The following GPBP1 variants were observed in gnomAD, a reference collection of about 807,000 sequenced individuals.
The protein encoded by GPBP1 is vasculin.
In GPBP1, 13 loss-of-function variants were observed where a neutral mutation model predicts 56.5. The ratio of observed to expected loss-of-function variants is 0.23; its 90% CI spans 0.15 to 0.37. GPBP1 has a LOEUF of 0.37. GPBP1 is among the 10% of genes least tolerant of loss of function. The pLI, the probability that GPBP1 is intolerant of heterozygous loss-of-function variation, is 1.00. For missense variants in GPBP1, 477 were observed against 572.3 expected, an observed-to-expected ratio of 0.83 and a Z score of 1.70; for synonymous variants, 204 against 188.9, an observed-to-expected ratio of 1.08 and a Z score of -0.66.
At chr5:57,177,618 T>A (rs939101527) in intron 2 of GPBP1, among the ~76,000 whole-genome samples, 9 of 144,040 alleles carry the variant, frequency 6.2e-5, no homozygotes, top group African/African-American at 2.3e-4. Context: ...GGATTACAGG[T>A]GCCCGCCACC....
At chr5:57,245,074 T>C (rs1383273511) in intron 6 of GPBP1, among the ~76,000 whole-genome samples, 1 of 152,174 alleles carries the variant, frequency 6.6e-6, no homozygotes, top group African/African-American at 2.4e-5. Flanking sequence ...GTTAACTTTG[T>C]TGTGTAATAT....
At chr5:57,200,021 CTTTTTTTTTTTT>C (rs61426559) in intron 2 of GPBP1, among the ~76,000 whole-genome samples, 18 of 58,896 alleles carry the variant, frequency 3.1e-4, no homozygotes, top group East Asian at 1.0e-3. Context: ...ACTTGAAAAT[CTTTTTTTTTTTT>C]TTTTTTTTTT....
In GPBP1 at chr5:57,261,198, C is replaced by CT; in HGVS notation, c.1180dup (p.Trp394LeufsTer6). The CT allele has an allele frequency of 6.2e-7, 1 of 1,611,230 alleles. No individual in the cohort carries two copies. The highest frequency in any genetic ancestry group is 8.5e-7 in the Non-Finnish European group (1 of 1,177,552). The stretch of plus-strand genomic sequence containing the variant: ...TTTTCAGATTGTTAAAGGAAATGGG[C>CT]TGGCAGGAAGACAGTGAAAATGATG... On this transcript the variant is annotated frameshift_variant, in exon 11 of 12. Coordinates refer to ENST00000506184, the MANE Select transcript of GPBP1 (RefSeq NM_022913.4). LOFTEE classifies it high-confidence loss of function.
chr5:57,258,622 G>A (rs1741764952), intron 10 of GPBP1, among the ~76,000 whole-genome samples: 3 of 152,088 alleles, frequency 2.0e-5, no homozygotes, highest in Non-Finnish European at 4.4e-5. Flanking sequence ...GGGGGGAAAG[G>A]GAAACACAGA....
At position 57,176,223 on chromosome 5, in the gene GPBP1, C is replaced by G. The variant is rs1753783377; in HGVS notation, c.-235C>G. On this transcript the variant is annotated 5_prime_UTR_variant, in exon 2 of 12. Transcript: ENST00000506184. ...AATTCGGGAGATAGCCATATGAAAA[C>G]TTTAAAACAGAAGTATGGGTAGCTG... is the stretch of plus-strand genomic sequence containing the variant. 1 of 387,614 alleles carries G rather than the reference C, an allele frequency of 2.6e-6. No individual in the cohort carries two copies. Among genetic ancestry groups the G allele is most frequent in the Non-Finnish European group, 4.5e-6 (1 of 219,998 alleles). The allele number at this position is 387,614 out of a possible 1,614,324, so 24.0% of individuals were successfully genotyped here.
chr5:57,175,615 A>G lies in GPBP1; in HGVS notation c.-843A>G. ...TGAAGTGAATTGATAGTAGTGAACA[A>G]TTCAGCAAGCTACTTAAAAAGAGAC... On this transcript the variant is annotated 5_prime_UTR_variant, in exon 2 of 12. Coordinates refer to ENST00000506184, the MANE Select transcript of GPBP1 (RefSeq NM_022913.4). 2.5e-6 allele frequency: 1 copy of G among 397,110 alleles called. No homozygotes were observed. The highest frequency in any genetic ancestry group is 3.6e-5 in the East Asian group (1 of 28,016). The allele number at this position is 397,110 out of a possible 1,614,324, so 24.6% of individuals were successfully genotyped here. A position where few individuals can be genotyped will look rare whatever the true frequency, so the allele number is the denominator to read the frequency against.
chr5:57,244,761 T>G (rs1741007974), intron 6 of GPBP1, among the ~76,000 whole-genome samples: 2 of 128,346 alleles, frequency 1.6e-5, no homozygotes, highest in Non-Finnish European at 3.1e-5. Flanking sequence ...TGAGATGGAG[T>G]CTTGCTCTGT....
intron 2 of GPBP1, among the ~76,000 whole-genome samples, chr5:57,208,656 T>A (rs1249028982): frequency 2.3e-5 from 1 of 44,400 alleles, no homozygotes; most frequent in Non-Finnish European, 4.3e-5. Context: ...TTTGTTTTTC[T>A]TTTTTTTTTT....
chr5:57,255,474 C>G (rs1188229861), intron 10 of GPBP1, among the ~76,000 whole-genome samples: 1 of 152,144 alleles, frequency 6.6e-6, no homozygotes, highest in African/African-American at 2.4e-5. Context: ...TTTCTAGTCA[C>G]ACAATTGGTA....
intron 2 of GPBP1, among the ~76,000 whole-genome samples, chr5:57,186,447 C>G (rs1206085855): frequency 2.0e-5 from 3 of 151,608 alleles, no homozygotes; most frequent in African/African-American, 7.3e-5. Flanking sequence ...CCTAAGAAAT[C>G]ATTGCCTAAC....
At chr5:57,237,396 G>T (rs1740573676) in intron 6 of GPBP1, 1 of 498,442 alleles carries the variant, frequency 2.0e-6, no homozygotes, top group African/African-American at 1.9e-5. Context: ...TCTTAGAAAT[G>T]ATTTAGAGAC....
At chr5:57,235,207 T>G (rs907365251) in intron 5 of GPBP1, among the ~76,000 whole-genome samples, 1 of 151,782 alleles carries the variant, frequency 6.6e-6, no homozygotes, top group East Asian at 1.9e-4. Flanking sequence ...CTTGGGAGGC[T>G]GAGACAGGAG....
chr5:57,200,877 A>G (rs998411702), intron 2 of GPBP1, among the ~76,000 whole-genome samples: 3 of 151,902 alleles, frequency 2.0e-5, no homozygotes, highest in African/African-American at 7.3e-5. Flanking sequence ...ATGGGGTATC[A>G]CCGTGTTAGC....
chr5:57,247,256 A>C, intron 8 of GPBP1, 41 bp downstream of exon 8: 2 of 1,506,564 alleles, frequency 1.3e-6, no homozygotes, highest in Non-Finnish European at 9.1e-7. Flanking sequence ...GTAACATTTT[A>C]ATTATGATAG....
chr5:57,238,930 G>A (rs892097942), intron 6 of GPBP1, among the ~76,000 whole-genome samples: 1 of 152,170 alleles, frequency 6.6e-6, no homozygotes, highest in African/African-American at 2.4e-5. Context: ...TTGTTTTCTA[G>A]AGAATTCCAA....
intron 6 of GPBP1, among the ~76,000 whole-genome samples, chr5:57,244,049 G>C (rs1033350814): frequency 1.2e-4 from 19 of 152,030 alleles, no homozygotes; most frequent in African/African-American, 4.6e-4. Flanking sequence ...TATATCTTCA[G>C]CTTTCCACAT....
At chr5:57,229,230 C>CAAAAAAAAAAAAAAAAAAAAAA (rs543005934) in intron 3 of GPBP1, among the ~76,000 whole-genome samples, 3 of 77,426 alleles carry the variant, frequency 3.9e-5, no homozygotes, top group East Asian at 2.3e-4. Context: ...GACTCCATCT[C>CAAAAAAAAAAAAAAAAAAAAAA]AAAAAAAAAA....
chr5:57,237,260 A>G (rs556486588), intron 6 of GPBP1: 13 of 881,186 alleles, frequency 1.5e-5, no homozygotes, highest in African/African-American at 1.3e-4. Flanking sequence ...TAGAATCTCT[A>G]AGAAATTAGG....
chr5:57,183,765 ATTT>A (rs34608817), intron 2 of GPBP1, among the ~76,000 whole-genome samples: 1 of 133,274 alleles, frequency 7.5e-6, no homozygotes, highest in Admixed American at 8.1e-5. Context: ...GGGGATATGA[ATTT>A]TTTTTTTTTT....
Sources: gnomAD v4.1 joint callset for allele counts (sites outside exome capture counted in the v4.1 genomes callset) on GRCh38, gnomAD v4.1.1 for gene constraint, MANE v1.5 for transcripts, NCBI Gene and HGNC (gene_info 2026-07-23, HGNC 2026-07-21) for gene names.